Variants in CAMK4 observed in about 807,000 individuals in gnomAD.
The protein encoded by CAMK4 is calcium/calmodulin-dependent protein kinase type IV.
A neutral mutation model predicts 44.9 loss-of-function variants in CAMK4; 22 were observed. That is an observed-to-expected ratio of 0.49 (90% CI 0.35 to 0.70). CAMK4 has a LOEUF of 0.70. CAMK4 is among the 30% of genes least tolerant of loss of function. CAMK4 has a pLI of 0.01. For synonymous variants in CAMK4, 218 were observed against 215.4 expected (o/e 1.01, Z -0.11); for missense variants, 498 against 586.8 (o/e 0.85, Z 1.56).
intron 1 of CAMK4, among the ~76,000 whole-genome samples, chr5:111,326,940 A>G (rs1748917067): frequency 6.6e-6 from 1 of 151,994 alleles, no homozygotes; most frequent in Admixed American, 6.6e-5. Flanking sequence ...CATTGTTATT[A>G]TATGTTTAAT....
rs1298933299 is a variant in CAMK4 at position 111,490,852 on chromosome 5, T to A, written c.*6386T>A. ...ATTAAGGAGTTAGGCCTAAACATAG[T>A]AATAGTAGTCCATTCCATGTCCAAC... On this transcript the variant is annotated 3_prime_UTR_variant, in exon 11 of 11. Transcript: ENST00000282356. The A allele has an allele frequency of 2.6e-5, 4 of 152,184 alleles. No homozygotes were observed. In the East Asian group the frequency reaches 7.7e-4, roughly 29 times the overall value. 9.4% of individuals were successfully genotyped at this position (152,184 alleles called of 1,614,324 possible). A position where few individuals can be genotyped will look rare whatever the true frequency, so the allele number is the denominator to read the frequency against.
At chr5:111,344,152 A>T in intron 2 of CAMK4, 50 bp downstream of exon 2, 1 of 1,077,196 alleles carries the variant, frequency 9.3e-7, no homozygotes, top group African/African-American at 1.6e-5. Context: ...TGTGACCTGG[A>T]GAAGGCAGGA....
At position 111,412,008 on chromosome 5, in the gene CAMK4, A is replaced by T. The variant is rs530539727; in HGVS notation, c.459+17226A>T. On this transcript the variant is annotated intron_variant, in intron 5 of 10. Coordinates refer to ENST00000282356, the MANE Select transcript of CAMK4 (RefSeq NM_001744.6). ...AAGTTATTAATCACCAGCTTGAAAT[A>T]AAAATAAAGCTCTGCTTAGGAGCAT... Among the ~76,000 whole-genome samples, 13 of 152,326 alleles carry T rather than the reference A, an allele frequency of 8.5e-5. No individual in the cohort carries two copies. The East Asian group carries it at 1.7e-3, about 20-fold the overall frequency.
At chr5:111,268,534 C>A (rs1042976425) in intron 1 of CAMK4, among the ~76,000 whole-genome samples, 2 of 152,166 alleles carry the variant, frequency 1.3e-5, no homozygotes, top group African/African-American at 4.8e-5. Flanking sequence ...ACAAGGAAAT[C>A]TAAACATTTG....
At chr5:111,387,569 T>C (rs1436015874) in intron 4 of CAMK4, among the ~76,000 whole-genome samples, 1 of 152,220 alleles carries the variant, frequency 6.6e-6, no homozygotes, top group African/African-American at 2.4e-5. Context: ...TCTGGAGTCA[T>C]GGCCAATGTA....
intron 2 of CAMK4, among the ~76,000 whole-genome samples, chr5:111,347,458 T>G (rs896069253): frequency 6.6e-6 from 1 of 152,032 alleles, no homozygotes; most frequent in African/African-American, 2.4e-5. Flanking sequence ...AGTGGATTAT[T>G]TATATTTACT....
intron 2 of CAMK4, among the ~76,000 whole-genome samples, chr5:111,365,714 A>C (rs1181059846): frequency 6.6e-6 from 1 of 152,092 alleles, no homozygotes; most frequent in East Asian, 1.9e-4. Context: ...TTCATGGACC[A>C]AAAACAAGTC....
At chr5:111,265,371 G>A (rs1325251103) in intron 1 of CAMK4, among the ~76,000 whole-genome samples, 2 of 152,218 alleles carry the variant, frequency 1.3e-5, no homozygotes, top group South Asian at 2.1e-4. Context: ...TCTTTATCTG[G>A]TCATCTGGCT....
At chr5:111,367,632 T>C (rs569576565) in intron 2 of CAMK4, among the ~76,000 whole-genome samples, 37 of 152,090 alleles carry the variant, frequency 2.4e-4, no homozygotes, top group Non-Finnish European at 5.0e-4. Context: ...CTGGCTGTTA[T>C]AGCTACTTTT....
intron 4 of CAMK4, among the ~76,000 whole-genome samples, chr5:111,380,500 C>T (rs922716671): frequency 5.9e-5 from 9 of 152,042 alleles, no homozygotes; most frequent in Admixed American, 5.9e-4. Flanking sequence ...TTTTCCTGAT[C>T]CCCTCCATTC....
intron 5 of CAMK4, among the ~76,000 whole-genome samples, chr5:111,438,226 A>C (rs959975934): frequency 6.6e-6 from 1 of 152,280 alleles, no homozygotes; most frequent in South Asian, 2.1e-4. Flanking sequence ...AAGATATCCA[A>C]CTGAAAATGA....
intron 7 of CAMK4, among the ~76,000 whole-genome samples, chr5:111,454,647 C>CAAAAAAA (rs66917170): frequency 6.6e-4 from 75 of 113,812 alleles, no homozygotes; most frequent in Non-Finnish European, 9.1e-4. Context: ...GTCACACAGA[C>CAAAAAAA]AAAAAAAAAA....
chr5:111,301,603 T>C (rs2112647563), intron 1 of CAMK4, among the ~76,000 whole-genome samples: 1 of 152,222 alleles, frequency 6.6e-6, no homozygotes, highest in Middle Eastern at 3.4e-3. Flanking sequence ...TAAACATAAC[T>C]CTCATAGGGG....
At chr5:111,418,616 C>G (rs906204329) in intron 5 of CAMK4, among the ~76,000 whole-genome samples, 10 of 149,988 alleles carry the variant, frequency 6.7e-5, no homozygotes, top group African/African-American at 2.5e-4. Flanking sequence ...CAACAGTCCC[C>G]AGAGTGTGAT....
At position 111,274,022 on chromosome 5, in the gene CAMK4, C is replaced by A. The variant is rs564430769; in HGVS notation, c.161+49378C>A. On this transcript the variant is annotated intron_variant, in intron 1 of 10. Transcript: ENST00000282356. ...TGATGGCATCTATGGAGTATGGCCA[C>A]CTCATCTCTCATTGCATCCTCCTCC... is the stretch of plus-strand genomic sequence containing the variant. Among the ~76,000 whole-genome samples, 22 of 151,746 alleles carry A rather than the reference C, an allele frequency of 1.4e-4. No individual in the cohort carries two copies. In the South Asian group the frequency reaches 4.4e-3, roughly 30 times the overall value.
intron 2 of CAMK4, among the ~76,000 whole-genome samples, chr5:111,347,086 G>C (rs1042713036): frequency 1.3e-5 from 2 of 151,944 alleles, no homozygotes; most frequent in African/African-American, 4.8e-5. Context: ...TTAAAGTAGA[G>C]GCTTACAAAC....
At chr5:111,296,180 T>C (rs1747477180) in intron 1 of CAMK4, among the ~76,000 whole-genome samples, 1 of 152,214 alleles carries the variant, frequency 6.6e-6, no homozygotes, top group South Asian at 2.1e-4. Flanking sequence ...CAAATATCAG[T>C]GTATGCTTAT....
intron 1 of CAMK4, among the ~76,000 whole-genome samples, chr5:111,242,839 CCCCCTCTTTCTACA>C (rs1467532139): frequency 2.0e-5 from 3 of 151,522 alleles, no homozygotes; most frequent in African/African-American, 7.3e-5. Context: ...TCACTCCACG[CCCCCTCTTTCTACA>C]CCCCTCTTCC....
chr5:111,449,720 T>C (rs1050125087), intron 7 of CAMK4: 1 of 152,476 alleles, frequency 6.6e-6, no homozygotes, highest in South Asian at 2.1e-4. Flanking sequence ...CACAACTACG[T>C]TGAGCTCTTC....
Sources: gnomAD v4.1 joint callset for allele counts (sites outside exome capture counted in the v4.1 genomes callset) on GRCh38, gnomAD v4.1.1 for gene constraint, MANE v1.5 for transcripts, NCBI Gene and HGNC (gene_info 2026-07-23, HGNC 2026-07-21) for gene names.